Variants in PTPRG observed in about 807,000 individuals in gnomAD.
PTPRG encodes receptor-type tyrosine-protein phosphatase gamma.
Under a neutral mutation model 165.3 loss-of-function variants are expected in PTPRG, and 102 were observed. The ratio of observed to expected loss-of-function variants is 0.62; its 90% CI spans 0.53 to 0.73. PTPRG has a LOEUF of 0.73. Among genes scored for constraint, PTPRG ranks in the 30% least tolerant of loss-of-function variants. PTPRG has a pLI of 0.00. For synonymous variants in PTPRG, 675 were observed against 669.5 expected, an observed-to-expected ratio of 1.01 and a Z score of -0.13; for missense variants, 1,866 against 1,861.4, an observed-to-expected ratio of 1.00 and a Z score of -0.05.
intron 4 of PTPRG, among the ~76,000 whole-genome samples, chr3:62,042,671 A>G (rs1021058486): frequency 6.6e-6 from 1 of 152,138 alleles, no homozygotes; most frequent in Non-Finnish European, 1.5e-5. Context: ...TTCCTCTACT[A>G]GGTGTTCCTG....
chr3:61,890,993 CT>C (rs1271485251), intron 2 of PTPRG, among the ~76,000 whole-genome samples: 2 of 152,152 alleles, frequency 1.3e-5, no homozygotes, highest in Non-Finnish European at 2.9e-5. Flanking sequence ...CGGATAGCAA[CT>C]TTTTTTTCCA....
chr3:61,729,675 C>A (rs1413515661), intron 1 of PTPRG, among the ~76,000 whole-genome samples: 5 of 152,144 alleles, frequency 3.3e-5, no homozygotes, highest in Non-Finnish European at 7.4e-5. Flanking sequence ...CATTTTTTAA[C>A]AATTCACCAT....
At position 62,243,856 on chromosome 3, in the gene PTPRG, C is replaced by T. The variant is rs747596725; in HGVS notation, c.2425C>T (p.Arg809Ter). ...HFYVEDSSSPRVVPNESIPII... is the reference protein window; with the variant it reads ...HFYVEDSSSP Reference sequence around the variant, plus strand: ...CTATGTGGAAGACAGCAGTTCACCTCGAGTGGTCCCTAATGAAAGTATCCC... The same window carrying T: ...CTATGTGGAAGACAGCAGTTCACCTTGAGTGGTCCCTAATGAAAGTATCCC... The change falls in exon 15 of 30, where the codon CGA (arginine) becomes TGA (stop). Residue 809 changes from arginine to a stop codon, truncating the protein, a stop_gained. Coordinates refer to ENST00000474889, the MANE Select transcript of PTPRG (RefSeq NM_002841.4). LOFTEE classifies it high-confidence loss of function. The T allele has an allele frequency of 1.1e-5, 18 of 1,595,134 alleles. No individual in the cohort carries two copies. Among genetic ancestry groups the T allele is most frequent in the East Asian group, 2.2e-5 (1 of 44,744 alleles).
At chr3:61,724,801 C>T (rs1029701642) in intron 1 of PTPRG, among the ~76,000 whole-genome samples, 4 of 151,938 alleles carry the variant, frequency 2.6e-5, no homozygotes, top group Non-Finnish European at 5.9e-5. Flanking sequence ...GTCTTTTGCC[C>T]ACTTTCTTAT....
At position 62,168,112 on chromosome 3, in the gene PTPRG, C is replaced by A. The variant is rs1198071830; in HGVS notation, c.982C>A (p.His328Asn). The change falls in exon 8 of 30, where the codon CAC becomes AAC. Residue 328 changes from histidine (H) to asparagine (N), a missense_variant. Coordinates refer to ENST00000474889, the MANE Select transcript of PTPRG (RefSeq NM_002841.4). Reference sequence around the variant, plus strand: ...GTCCGCCGTCCGTGACTCCTGGAACCACGACATGACAGACTTCTTAGAAAA... The same window carrying A: ...GTCCGCCGTCCGTGACTCCTGGAACAACGACATGACAGACTTCTTAGAAAA... The part of the protein sequence containing the change: ...SKSAVRDSWN[H>N]DMTDFLENPL... The A allele has an allele frequency of 6.2e-7, 1 of 1,614,058 alleles. No homozygotes were observed. The highest frequency in any genetic ancestry group is 8.5e-7 in the Non-Finnish European group (1 of 1,179,974).
intron 2 of PTPRG, among the ~76,000 whole-genome samples, chr3:61,796,291 G>C (rs2035042086): frequency 6.6e-6 from 1 of 152,126 alleles, no homozygotes; most frequent in Non-Finnish European, 1.5e-5. Context: ...CCTTAATCTT[G>C]GCTGCAGAGA....
At position 61,625,237 on chromosome 3, in the gene PTPRG, T is replaced by C. The variant is rs115391338; in HGVS notation, c.85+62865T>C. ...AACATACCTTTTTTAAGGGGGGATA[T>C]GATTCGACCCATCACAGTACATACG... On this transcript the variant is annotated intron_variant, in intron 1 of 29. Coordinates refer to ENST00000474889, the MANE Select transcript of PTPRG (RefSeq NM_002841.4). Among the ~76,000 whole-genome samples, 1,038 of 151,840 alleles carry C rather than the reference T, an allele frequency of 6.8e-3. 9 individuals carry two copies. The highest frequency in any genetic ancestry group is 0.024 in the African/African-American group (987 of 41,392).
rs1417932477 is a variant in PTPRG, at chr3:61,562,110, C to T, written c.-178C>T. 6.8e-6 allele frequency: 4 copies of T among 588,214 alleles called. No individual in the cohort carries two copies. Among genetic ancestry groups the T allele is most frequent in the South Asian group, 4.1e-5 (2 of 48,926 alleles). The allele number at this position is 588,214 out of a possible 1,614,324, so 36.4% of individuals were successfully genotyped here. On this transcript the variant is annotated 5_prime_UTR_variant, in exon 1 of 30. Transcript: ENST00000474889. Reference sequence around the variant, plus strand: ...TTCCCGGTCACTTTTTGAGATTTTCCGGGGGGCGCTCGGCGGCTTCCCGGA... The same window carrying T: ...TTCCCGGTCACTTTTTGAGATTTTCTGGGGGGCGCTCGGCGGCTTCCCGGA...
Position 62,237,950 on chromosome 3 carries a change from G to A in PTPRG, c.2376-5857G>A, listed in dbSNP as rs1288028151. Reference sequence around the variant, plus strand: ...TTTGGTTTTCTAAAAAGGGATGAACGAATGGAGAGTAACATAGGAAGCTTG... The same window carrying A: ...TTTGGTTTTCTAAAAAGGGATGAACAAATGGAGAGTAACATAGGAAGCTTG... On this transcript the variant is annotated intron_variant, in intron 14 of 29. Transcript: ENST00000474889. The surrounding 1 kb of genome is among the most constrained non-coding windows in gnomAD (Gnocchi z 4.5). 2.0e-5 allele frequency among the ~76,000 whole-genome samples: 3 copies of A among 152,186 alleles called. No individual in the cohort carries two copies. The highest frequency in any genetic ancestry group is 1.9e-4 in the East Asian group (1 of 5,182).
intron 5 of PTPRG, 114 bp from the exon 6 acceptor site, chr3:62,132,488 A>C: frequency 1.2e-6 from 1 of 832,694 alleles, no homozygotes; most frequent in Admixed American, 1.7e-5. Flanking sequence ...TGTGAGACCT[A>C]AGCAGCTTGC....
chr3:62,229,833 G>T lies in PTPRG; in HGVS notation c.2289-1392G>T, dbSNP rs1700852730. ...GGTAGTTTTAAGCGCCTGTGATTGTGTGTGAGGAAAAACTGCGGAGATAGC... is the reference window on the plus strand; with the variant it reads ...GGTAGTTTTAAGCGCCTGTGATTGTTTGTGAGGAAAAACTGCGGAGATAGC... On this transcript the variant is annotated intron_variant, in intron 13 of 29. Coordinates refer to ENST00000474889, the MANE Select transcript of PTPRG (RefSeq NM_002841.4). This position sits in a 1 kb window ranked among gnomAD's most constrained non-coding sequence, Gnocchi z 4.6. Among the ~76,000 whole-genome samples, 2 of 152,236 alleles carry T rather than the reference G, an allele frequency of 1.3e-5. No homozygotes were observed. Among genetic ancestry groups the T allele is most frequent in the African/African-American group, 4.8e-5 (2 of 41,460 alleles).
At chr3:62,157,448 A>G (rs767873502) in intron 7 of PTPRG, among the ~76,000 whole-genome samples, 2 of 152,202 alleles carry the variant, frequency 1.3e-5, no homozygotes, top group Non-Finnish European at 2.9e-5. Context: ...AGAGAATTGC[A>G]CTCATGAAAT....
intron 1 of PTPRG, among the ~76,000 whole-genome samples, chr3:61,565,905 A>G (rs988676881): frequency 6.6e-6 from 1 of 152,046 alleles, no homozygotes; most frequent in Non-Finnish European, 1.5e-5. Context: ...GGAAATCAGC[A>G]ATCTTTCTCT....
At chr3:62,122,769 T>C (rs927296573) in intron 5 of PTPRG, among the ~76,000 whole-genome samples, 4 of 152,206 alleles carry the variant, frequency 2.6e-5, no homozygotes, top group African/African-American at 9.7e-5. Flanking sequence ...AAACTGCTTC[T>C]TTTCAAACTC....
chr3:62,059,030 C>A lies in PTPRG; in HGVS notation c.520-19133C>A, dbSNP rs576037368. On this transcript the variant is annotated intron_variant, in intron 4 of 29. Coordinates refer to ENST00000474889, the MANE Select transcript of PTPRG (RefSeq NM_002841.4). Reference sequence around the variant, plus strand: ...TGTCTGGCCTGATGAAGCATCAGCCCCAGGTATCCGGTCTGCTCTGAAGGG... The same window carrying A: ...TGTCTGGCCTGATGAAGCATCAGCCACAGGTATCCGGTCTGCTCTGAAGGG... Among the ~76,000 whole-genome samples the A allele has an allele frequency of 2.6e-5, 4 of 152,274 alleles. No homozygotes were observed. In the South Asian group the frequency reaches 8.3e-4, roughly 32 times the overall value.
At chr3:62,053,210 A>C (rs117850889) in intron 4 of PTPRG, among the ~76,000 whole-genome samples, 3,529 of 151,726 alleles carry the variant, frequency 0.023, 80 homozygotes, top group South Asian at 0.11. Flanking sequence ...ATTGCTCTCC[A>C]AAGGAAATCA....
chr3:61,813,798 GGTTT>G (rs1182031745), intron 2 of PTPRG, among the ~76,000 whole-genome samples: 3 of 151,730 alleles, frequency 2.0e-5, no homozygotes, highest in Non-Finnish European at 4.4e-5. Context: ...GTCTCGAAGT[GGTTT>G]GTTTATGTTC....
chr3:62,117,582 A>G (rs962785416), intron 5 of PTPRG, among the ~76,000 whole-genome samples: 4 of 152,188 alleles, frequency 2.6e-5, no homozygotes, highest in Admixed American at 6.5e-5. Context: ...GTTGGTAACA[A>G]CTATCAATCT....
chr3:61,791,074 T>G (rs1156817727), intron 2 of PTPRG, among the ~76,000 whole-genome samples: 1 of 152,240 alleles, frequency 6.6e-6, no homozygotes, highest in African/African-American at 2.4e-5. Flanking sequence ...GCCGTGTTGC[T>G]AAATTATTAA....
Sources: allele counts gnomAD v4.1 joint callset (sites outside exome capture counted in the v4.1 genomes callset), GRCh38; gene constraint gnomAD v4.1.1; non-coding constraint Gnocchi (gnomAD v3.1); transcripts MANE v1.5; gene names NCBI Gene and HGNC (gene_info 2026-07-23, HGNC 2026-07-21).